Variants in AGMO observed in about 807,000 individuals in gnomAD.
AGMO encodes the protein glyceryl-ether monooxygenase.
In AGMO, 75 loss-of-function variants were observed where a neutral mutation model predicts 60.2. That is an observed-to-expected ratio of 1.25 (90% confidence interval 1.03 to 1.51). AGMO has a LOEUF of 1.51. AGMO is among the 40% of genes most tolerant of loss of function. The pLI is 0.00. For missense variants in AGMO, 763 were observed against 525.5 expected (o/e 1.45, Z -4.42); for synonymous variants, 261 against 177.1 (o/e 1.47, Z -3.76).
intron 3 of AGMO, among the ~76,000 whole-genome samples, chr7:15,477,477 G>A (rs1422393056): frequency 1.3e-5 from 2 of 152,076 alleles, no homozygotes; most frequent in Non-Finnish European, 2.9e-5. Flanking sequence ...ATGAGACACT[G>A]GTGCAAGGAA....
At chr7:15,278,351 G>A (rs79409412) in intron 12 of AGMO, among the ~76,000 whole-genome samples, 2,076 of 152,218 alleles carry the variant, frequency 0.014, 45 homozygotes, top group African/African-American at 0.048. Flanking sequence ...TCAGATGCCA[G>A]CAGTTTTGGA....
At chr7:15,244,639 TTG>T (rs1302480241) in intron 12 of AGMO, among the ~76,000 whole-genome samples, 1 of 150,772 alleles carries the variant, frequency 6.6e-6, no homozygotes, top group African/African-American at 2.5e-5. Context: ...ATTCTTTTTT[TTG>T]TTTGTTTGTT....
intron 12 of AGMO, among the ~76,000 whole-genome samples, chr7:15,204,233 A>G (rs1484341166): frequency 6.6e-6 from 1 of 152,138 alleles, no homozygotes; most frequent in African/African-American, 2.4e-5. Flanking sequence ...TATTTAACAT[A>G]GAGTCAATAT....
intron 3 of AGMO, among the ~76,000 whole-genome samples, chr7:15,518,604 C>T (rs1332424950): frequency 2.0e-5 from 3 of 152,102 alleles, no homozygotes; most frequent in Non-Finnish European, 2.9e-5. Flanking sequence ...GGAAAACTAA[C>T]AAACAAGAAG....
chr7:15,539,589 C>T (rs1358888776), intron 3 of AGMO, among the ~76,000 whole-genome samples: 1 of 152,070 alleles, frequency 6.6e-6, no homozygotes, highest in African/African-American at 2.4e-5. Context: ...GTGAATAGTG[C>T]TGCATTGAAC....
intron 10 of AGMO, 89 bp downstream of exon 10, chr7:15,385,357 A>G: frequency 3.4e-6 from 3 of 878,096 alleles, no homozygotes; most frequent in Middle Eastern, 2.3e-4. Context: ...CAGAGAATAT[A>G]TGACAGCCTT....
Position 15,314,891 on chromosome 7 carries a change from G to A in AGMO, c.1263+50623C>T, listed in dbSNP as rs951815481. Among the ~76,000 whole-genome samples, 4 of 152,220 alleles carry A rather than the reference G, an allele frequency of 2.6e-5. No individual in the cohort carries two copies. In the South Asian group the frequency reaches 6.2e-4, roughly 24 times the overall value. On this transcript the variant is annotated intron_variant, in intron 12 of 12. Coordinates refer to ENST00000342526, the MANE Select transcript of AGMO (RefSeq NM_001004320.2). Reference sequence around the variant, plus strand: ...AATAGAAAAAAAAGATGTGACATAAGGGAAAATCAGAGAGATTACAAAAGT... The same window carrying A: ...AATAGAAAAAAAAGATGTGACATAAAGGAAAATCAGAGAGATTACAAAAGT...
At chr7:15,383,668 TTC>T (rs529680572) in intron 10 of AGMO, among the ~76,000 whole-genome samples, 1 of 152,140 alleles carries the variant, frequency 6.6e-6, no homozygotes, top group Non-Finnish European at 1.5e-5. Context: ...ATTTATTAAT[TTC>T]TTTTACTTAT....
intron 5 of AGMO, among the ~76,000 whole-genome samples, 174 bp from the exon 6 acceptor site, chr7:15,394,353 T>A (rs1465796270): frequency 6.6e-6 from 1 of 152,136 alleles, no homozygotes; most frequent in Non-Finnish European, 1.5e-5. Flanking sequence ...AAGACAATAG[T>A]AATCTCAAAA....
chr7:15,366,479 C>T (rs1295004125), intron 10 of AGMO, among the ~76,000 whole-genome samples: 1 of 151,938 alleles, frequency 6.6e-6, no homozygotes, highest in African/African-American at 2.4e-5. Context: ...TAAAATTATC[C>T]TTTAAAGTTT....
chr7:15,140,216 C>A, the AGMO span, among the ~76,000 whole-genome samples: 3 of 151,928 alleles, frequency 2.0e-5, no homozygotes, highest in Admixed American at 6.6e-5. Context: ...TTAAGTACAC[C>A]AAACTAGGTT....
intron 12 of AGMO, among the ~76,000 whole-genome samples, chr7:15,243,925 T>C (rs1393582518): frequency 7.9e-5 from 12 of 152,184 alleles, no homozygotes; most frequent in Admixed American, 7.9e-4. Flanking sequence ...GAGATGTTGA[T>C]TGTTTTAATA....
intron 12 of AGMO, among the ~76,000 whole-genome samples, chr7:15,227,814 T>G (rs1180887172): frequency 1.3e-5 from 2 of 152,136 alleles, no homozygotes; most frequent in Non-Finnish European, 2.9e-5. Flanking sequence ...CCTTTTCTAA[T>G]AAAGTTAATG....
At chr7:15,148,022 C>T in the AGMO span, among the ~76,000 whole-genome samples, 1 of 152,110 alleles carries the variant, frequency 6.6e-6, no homozygotes, top group Admixed American at 6.5e-5. Flanking sequence ...GCAAAACAGT[C>T]TTGCTCAGTG....
At chr7:15,236,274 T>C (rs1782416532) in intron 12 of AGMO, among the ~76,000 whole-genome samples, 2 of 152,142 alleles carry the variant, frequency 1.3e-5, no homozygotes. Context: ...AGATTTTATA[T>C]AGTAAGATAC....
the AGMO span, among the ~76,000 whole-genome samples, chr7:15,122,408 G>T: frequency 8.5e-5 from 13 of 152,204 alleles, no homozygotes; most frequent in East Asian, 1.7e-3. Flanking sequence ...GCTTTAAATA[G>T]AATCAATGCA....
At chr7:15,497,260 G>C (rs1783257555) in intron 3 of AGMO, among the ~76,000 whole-genome samples, 1 of 152,020 alleles carries the variant, frequency 6.6e-6, no homozygotes, top group Admixed American at 6.6e-5. Context: ...ATTTTGGTAA[G>C]GGTTTCATGA....
intron 10 of AGMO, among the ~76,000 whole-genome samples, chr7:15,381,778 C>T (rs1175497174): frequency 6.6e-6 from 1 of 152,086 alleles, no homozygotes; most frequent in Non-Finnish European, 1.5e-5. Context: ...ACCTAAATGC[C>T]CATCAATGAT....
chr7:15,364,075 T>G (rs1429170520), intron 12 of AGMO, among the ~76,000 whole-genome samples: 1 of 151,982 alleles, frequency 6.6e-6, no homozygotes, highest in Non-Finnish European at 1.5e-5. Flanking sequence ...TTAGATGATA[T>G]CCAAGATCCT....
Sources: allele counts gnomAD v4.1 joint callset (sites outside exome capture counted in the v4.1 genomes callset), GRCh38; gene constraint gnomAD v4.1.1; transcripts MANE v1.5; gene names NCBI Gene and HGNC (gene_info 2026-07-23, HGNC 2026-07-21).